Variants in NTM observed in about 807,000 individuals in gnomAD.
The protein encoded by NTM is neurotrimin.
A neutral mutation model predicts 42.1 loss-of-function variants in NTM; 13 were observed. That is an observed-to-expected ratio of 0.31 (90% CI 0.20 to 0.49). The LOEUF (loss-of-function observed/expected upper bound fraction) is 0.49. NTM is among the 20% of genes least tolerant of loss of function. NTM has a pLI of 0.99. For synonymous variants in NTM, 187 were observed against 179.2 expected, an observed-to-expected ratio of 1.04 and a Z score of -0.35; for missense variants, 373 against 452.8, an observed-to-expected ratio of 0.82 and a Z score of 1.60.
chr11:131,524,973 A>G (rs1409974664), intron 1 of NTM, among the ~76,000 whole-genome samples: 1 of 152,198 alleles, frequency 6.6e-6, no homozygotes, highest in Non-Finnish European at 1.5e-5. Context: ...ACCTGCACAC[A>G]GGAAACCTGG....
At chr11:132,040,296 T>G (rs548269204) in intron 2 of NTM, among the ~76,000 whole-genome samples, 70 of 152,302 alleles carry the variant, frequency 4.6e-4, no homozygotes, top group Non-Finnish European at 5.0e-4. Flanking sequence ...GTATCTCAGT[T>G]TACTAGTCTG....
intron 2 of NTM, among the ~76,000 whole-genome samples, chr11:131,954,001 A>G (rs1312475598): frequency 6.6e-6 from 1 of 152,162 alleles, no homozygotes; most frequent in African/African-American, 2.4e-5. Context: ...AAGGCAGGCA[A>G]GGTGAATTTA....
chr11:131,940,702 AT>A (rs1421484638), intron 2 of NTM, among the ~76,000 whole-genome samples: 1 of 152,198 alleles, frequency 6.6e-6, no homozygotes, highest in Non-Finnish European at 1.5e-5. Context: ...ATCTAGGTTT[AT>A]GGAATATTTG....
chr11:131,648,855 G>A (rs1351031982), intron 1 of NTM, among the ~76,000 whole-genome samples: 2 of 152,108 alleles, frequency 1.3e-5, no homozygotes, highest in South Asian at 2.1e-4. Flanking sequence ...ATTTCTCTGG[G>A]AGGCCTTTTT....
intron 2 of NTM, among the ~76,000 whole-genome samples, chr11:132,105,438 G>A (rs1483369531): frequency 6.6e-6 from 1 of 151,938 alleles, no homozygotes; most frequent in African/African-American, 2.4e-5. Flanking sequence ...AACATGAGAA[G>A]AGAAATCAAA....
intron 2 of NTM, among the ~76,000 whole-genome samples, chr11:132,077,193 G>C (rs893586082): frequency 6.6e-6 from 1 of 152,222 alleles, no homozygotes; most frequent in Non-Finnish European, 1.5e-5. Context: ...CAGATGAAGA[G>C]TGTGAAAAGA....
intron 1 of NTM, among the ~76,000 whole-genome samples, chr11:131,841,588 C>T (rs7938667): frequency 1.8e-4 from 27 of 151,930 alleles, no homozygotes; most frequent in African/African-American, 5.1e-4. Context: ...CAGTCAAGGA[C>T]GAGAATTGCT....
At chr11:131,518,230 G>A (rs765854513) in intron 1 of NTM, among the ~76,000 whole-genome samples, 1 of 152,094 alleles carries the variant, frequency 6.6e-6, no homozygotes, top group Non-Finnish European at 1.5e-5. Context: ...ACAGCGAAAC[G>A]GAGGCTCAGG....
chr11:131,924,199 G>T (rs1336414034), intron 2 of NTM, among the ~76,000 whole-genome samples: 1 of 152,204 alleles, frequency 6.6e-6, no homozygotes, highest in African/African-American at 2.4e-5. Flanking sequence ...GACATCTGGT[G>T]GTGGGGTGGT....
intron 4 of NTM, among the ~76,000 whole-genome samples, chr11:132,239,220 G>A (rs2089711605): frequency 1.3e-5 from 2 of 152,204 alleles, no homozygotes; most frequent in Middle Eastern, 3.2e-3. Context: ...AATCGAAAGG[G>A]CTTGAACTTC....
rs1591528133 is a variant in NTM at position 131,387,349 on chromosome 11, C to T, written c.82+16461C>T. Among the ~76,000 whole-genome samples, 6 of 152,264 alleles carry T rather than the reference C, an allele frequency of 3.9e-5. 1 individual carries two copies. The South Asian group carries it at 1.2e-3, about 32-fold the overall frequency. On this transcript the variant is annotated intron_variant, in intron 1 of 8. Transcript: ENST00000683400. ...CTCTCACTCTGTCCCCAGCACTCCCCTCTTCACTCTGCTCCATCGCCCCAC... is the reference window on the plus strand; with the variant it reads ...CTCTCACTCTGTCCCCAGCACTCCCTTCTTCACTCTGCTCCATCGCCCCAC...
intron 1 of NTM, among the ~76,000 whole-genome samples, chr11:131,669,103 G>T (rs1004006412): frequency 6.6e-6 from 1 of 152,122 alleles, no homozygotes; most frequent in Non-Finnish European, 1.5e-5. Context: ...TGCCCCGTAG[G>T]GTTGGTCATT....
intron 1 of NTM, among the ~76,000 whole-genome samples, chr11:131,734,735 A>G (rs1591498944): frequency 1.3e-5 from 2 of 152,328 alleles, no homozygotes; most frequent in South Asian, 4.2e-4. Flanking sequence ...GAACATCATT[A>G]TTAATAAACT....
intron 2 of NTM, among the ~76,000 whole-genome samples, chr11:132,103,660 A>G (rs1258740251): frequency 1.3e-5 from 2 of 152,212 alleles, no homozygotes; most frequent in African/African-American, 4.8e-5. Context: ...TTCTGCATGT[A>G]GATACTTAAC....
intron 1 of NTM, among the ~76,000 whole-genome samples, chr11:131,760,164 G>T (rs569403658): frequency 1.3e-5 from 2 of 152,180 alleles, no homozygotes; most frequent in Non-Finnish European, 2.9e-5. Flanking sequence ...ATGAGAAGAA[G>T]CATGACAACA....
intron 2 of NTM, among the ~76,000 whole-genome samples, chr11:131,992,821 T>A (rs2067271139): frequency 6.6e-6 from 1 of 152,128 alleles, no homozygotes; most frequent in Non-Finnish European, 1.5e-5. Context: ...ATAAGAGCAT[T>A]TTTCCTGTGA....
chr11:131,650,201 C>T (rs2066294246), intron 1 of NTM, among the ~76,000 whole-genome samples: 1 of 152,196 alleles, frequency 6.6e-6, no homozygotes, highest in Non-Finnish European at 1.5e-5. Flanking sequence ...ATAGGCAACG[C>T]TGCAAGCAAA....
chr11:131,767,476 C>G (rs1307378101), intron 1 of NTM, among the ~76,000 whole-genome samples: 1 of 152,156 alleles, frequency 6.6e-6, no homozygotes, highest in Non-Finnish European at 1.5e-5. Context: ...CTAACCCAAC[C>G]CCCAGTGGGA....
chr11:132,225,417 G>C lies in NTM; in HGVS notation c.526+13270G>C, dbSNP rs551696741. Among the ~76,000 whole-genome samples, 20 of 152,288 alleles carry C rather than the reference G, an allele frequency of 1.3e-4. No individual in the cohort carries two copies. The East Asian group carries it at 3.9e-3, about 29-fold the overall frequency. Reference sequence around the variant, plus strand: ...CTCAGCACAGAGCCTAGAGACCCAAGCGAGATGAGACAGCAAGGGCTTGTA... The same window carrying C: ...CTCAGCACAGAGCCTAGAGACCCAACCGAGATGAGACAGCAAGGGCTTGTA... On this transcript the variant is annotated intron_variant, in intron 4 of 8. Transcript: ENST00000683400.
Sources: allele counts gnomAD v4.1 joint callset (sites outside exome capture counted in the v4.1 genomes callset), GRCh38; gene constraint gnomAD v4.1.1; transcripts MANE v1.5; gene names NCBI Gene and HGNC (gene_info 2026-07-23, HGNC 2026-07-21).